ADAMTSL1: variants seen among roughly 807,000 people sequenced by gnomAD.
The protein encoded by ADAMTSL1 is ADAMTS-like protein 1.
A neutral mutation model predicts 201.8 loss-of-function variants in ADAMTSL1; 126 were observed. The ratio of observed to expected loss-of-function variants is 0.62; its 90% CI spans 0.54 to 0.72. The LOEUF (loss-of-function observed/expected upper bound fraction) is 0.72, where lower values mean the gene tolerates loss of function less well. Ranked by LOEUF, ADAMTSL1 falls within the 30% of genes least tolerant of loss-of-function variation. The pLI is 0.00. For synonymous variants in ADAMTSL1, 1,121 were observed against 903.4 expected (o/e 1.24, Z -4.32); for missense variants, 2,679 against 2,277.8 (o/e 1.18, Z -3.59).
chr9:18,239,584 G>GA (rs1227809825), intron 2 of ADAMTSL1, among the ~76,000 whole-genome samples: 14 of 151,596 alleles, frequency 9.2e-5, no homozygotes, highest in Non-Finnish European at 2.1e-4. Context: ...ACTGAAAATA[G>GA]AAAAAAACAA....
rs369829488 is a variant in ADAMTSL1, at chr9:18,833,042, C to T, written c.4249+3065C>T. On this transcript the variant is annotated intron_variant, in intron 23 of 28. Coordinates refer to ENST00000380548, the MANE Select transcript of ADAMTSL1 (RefSeq NM_001040272.6). ...TTCCAGAACTGGCTGTTTTAGTTAT[C>T]GGACACCCTGGTATTGATTTCACCT... 1.9e-4 allele frequency among the ~76,000 whole-genome samples: 29 copies of T among 152,300 alleles called. No homozygotes were observed. In the East Asian group the frequency reaches 4.6e-3, roughly 24 times the overall value.
intron 1 of ADAMTSL1, among the ~76,000 whole-genome samples, chr9:18,001,297 C>T (rs746732069): frequency 1.2e-4 from 18 of 151,752 alleles, no homozygotes; most frequent in Admixed American, 2.6e-4. Flanking sequence ...GAAATATTTC[C>T]CCTTCAAAGA....
chr9:18,891,750 G>A (rs988851560), intron 25 of ADAMTSL1, among the ~76,000 whole-genome samples: 1 of 152,212 alleles, frequency 6.6e-6, no homozygotes, highest in Non-Finnish European at 1.5e-5. Context: ...ACAAAACCTT[G>A]ACTTCAGTGA....
chr9:18,307,817 C>G (rs1244020116), intron 2 of ADAMTSL1, among the ~76,000 whole-genome samples: 2 of 152,096 alleles, frequency 1.3e-5, no homozygotes, highest in Admixed American at 6.5e-5. Context: ...ATATTTAGGA[C>G]TTCAACTCAG....
chr9:18,437,103 G>A (rs1819771415), intron 2 of ADAMTSL1, among the ~76,000 whole-genome samples: 1 of 151,828 alleles, frequency 6.6e-6, no homozygotes, highest in African/African-American at 2.4e-5. Context: ...AATTCTCGGT[G>A]GCTAAGAGGG....
intron 1 of ADAMTSL1, among the ~76,000 whole-genome samples, chr9:18,134,157 A>T (rs1288268200): frequency 6.6e-6 from 1 of 152,158 alleles, no homozygotes; most frequent in South Asian, 2.1e-4. Context: ...TTTACTAGGA[A>T]CTCCACATAT....
chr9:18,598,073 G>A (rs536147159), intron 4 of ADAMTSL1, among the ~76,000 whole-genome samples: 41 of 152,228 alleles, frequency 2.7e-4, no homozygotes, highest in Non-Finnish European at 5.3e-4. Context: ...AAAAATCTAG[G>A]GAGAATGGCA....
chr9:18,812,628 C>T (rs1211275352), intron 20 of ADAMTSL1, among the ~76,000 whole-genome samples: 3 of 152,166 alleles, frequency 2.0e-5, no homozygotes, highest in African/African-American at 7.2e-5. Flanking sequence ...AGACTAATGT[C>T]ATGAAGTGTT....
chr9:18,357,117 A>G (rs1028637077), intron 2 of ADAMTSL1, among the ~76,000 whole-genome samples: 10 of 152,156 alleles, frequency 6.6e-5, no homozygotes, highest in Non-Finnish European at 1.5e-5. Flanking sequence ...CAAATTTGCA[A>G]AAGTTATTGG....
At chr9:18,272,058 T>C (rs1832392011) in intron 2 of ADAMTSL1, among the ~76,000 whole-genome samples, 1 of 151,774 alleles carries the variant, frequency 6.6e-6, no homozygotes, top group Non-Finnish European at 1.5e-5. Flanking sequence ...TTGAGTTCTT[T>C]GTAGATTCTG....
At chr9:18,263,788 T>C (rs1435762299) in intron 2 of ADAMTSL1, among the ~76,000 whole-genome samples, 1 of 152,094 alleles carries the variant, frequency 6.6e-6, no homozygotes, top group Non-Finnish European at 1.5e-5. Context: ...TCTATGGACA[T>C]GCACCAAGGG....
chr9:18,100,175 T>C (rs753367761), intron 1 of ADAMTSL1, among the ~76,000 whole-genome samples: 1 of 152,200 alleles, frequency 6.6e-6, no homozygotes, highest in Non-Finnish European at 1.5e-5. Flanking sequence ...AGAATTTTTG[T>C]CTGTAGGAAC....
intron 2 of ADAMTSL1, among the ~76,000 whole-genome samples, chr9:18,216,675 T>G (rs1209529977): frequency 6.6e-6 from 1 of 151,780 alleles, no homozygotes; most frequent in Admixed American, 6.6e-5. Flanking sequence ...TTCCTTTTCT[T>G]TCAAGATGAC....
At chr9:18,477,966 A>T (rs974195592) in intron 1 of ADAMTSL1, among the ~76,000 whole-genome samples, 2 of 152,208 alleles carry the variant, frequency 1.3e-5, no homozygotes, top group African/African-American at 4.8e-5. Context: ...TTGAAAAAGC[A>T]TATGGAAATT....
At chr9:18,108,617 G>A (rs750131818) in intron 1 of ADAMTSL1, among the ~76,000 whole-genome samples, 10 of 151,890 alleles carry the variant, frequency 6.6e-5, no homozygotes, top group Non-Finnish European at 1.0e-4. Flanking sequence ...CTAAATTCTT[G>A]CATTTATTTA....
intron 2 of ADAMTSL1, among the ~76,000 whole-genome samples, chr9:18,194,720 AC>A (rs1364552120): frequency 6.6e-6 from 1 of 152,092 alleles, no homozygotes; most frequent in Non-Finnish European, 1.5e-5. Flanking sequence ...CAGTGCTGGA[AC>A]CAAAATGGCA....
In ADAMTSL1 at chr9:18,346,947, A is replaced by T. The variant is rs1015107881; in HGVS notation, c.208-157882A>T. On this transcript the variant is annotated intron_variant, in intron 2 of 29. Transcript: ENST00000680146. ...TTCCATTCATTTTCCAGTAGAAGCA[A>T]CTCTTTGCCTCAGACATCTTCAGAT... is the stretch of plus-strand genomic sequence containing the variant. Among the ~76,000 whole-genome samples the T allele has an allele frequency of 4.6e-5, 7 of 152,140 alleles. No individual in the cohort carries two copies. The South Asian group carries it at 1.5e-3, about 32-fold the overall frequency.
chr9:18,332,655 T>C (rs1484117161), intron 2 of ADAMTSL1, among the ~76,000 whole-genome samples: 1 of 152,184 alleles, frequency 6.6e-6, no homozygotes, highest in Non-Finnish European at 1.5e-5. Flanking sequence ...TGCTACAATA[T>C]GGACGTACAG....
At chr9:18,530,759 T>A (rs1361764245) in intron 2 of ADAMTSL1, among the ~76,000 whole-genome samples, 1 of 152,228 alleles carries the variant, frequency 6.6e-6, no homozygotes, top group East Asian at 1.9e-4. Flanking sequence ...CTAACTCAGT[T>A]AATTCTCATA....
Sources: allele counts gnomAD v4.1 joint callset (sites outside exome capture counted in the v4.1 genomes callset), GRCh38; gene constraint gnomAD v4.1.1; transcripts MANE v1.5; gene names NCBI Gene and HGNC (gene_info 2026-07-23, HGNC 2026-07-21).